The following CCNT1 variants were observed in gnomAD, a reference collection of about 807,000 sequenced individuals.
CCNT1 encodes cyclin T1.
In CCNT1, 18 loss-of-function variants were observed where a neutral mutation model predicts 67.3. That is an observed-to-expected ratio of 0.27 (90% confidence interval 0.18 to 0.40). The LOEUF (loss-of-function observed/expected upper bound fraction) is 0.40. CCNT1 is among the 10% of genes least tolerant of loss of function. The pLI, the probability that CCNT1 is intolerant of heterozygous loss-of-function variation, is 1.00. For missense variants in CCNT1, 744 were observed against 884.9 expected (o/e 0.84, Z 2.02); for synonymous variants, 333 against 310.3 (o/e 1.07, Z -0.77).
chr12:48,701,789 A>T (rs1359815079), intron 3 of CCNT1, among the ~76,000 whole-genome samples: 1 of 150,880 alleles, frequency 6.6e-6, no homozygotes, highest in Non-Finnish European at 1.5e-5. Context: ...TATTTTTAGT[A>T]GAGACGAGGT....
Position 48,705,840 on chromosome 12 carries a change from T to C in CCNT1, c.300A>G (p.Lys100=). Residue 100 remains lysine (K), a synonymous_variant, in exon 3 of 9, where the codon AAA becomes AAG. Coordinates refer to ENST00000261900, the MANE Select transcript of CCNT1 (RefSeq NM_001240.4). ...GTGCTACCTTGATGACATGTTCCAA[T>C]TTTTTGGGCTGCTCCTCCACTTTAG... ...LAAKVEEQPK[K]LEHVIKVAHT... 6.2e-7 allele frequency: 1 copy of C among 1,613,554 alleles called. No homozygotes were observed. Among genetic ancestry groups the C allele is most frequent in the Middle Eastern group, 1.6e-4 (1 of 6,062 alleles).
At chr12:48,713,310 T>A (rs1420493566) in intron 2 of CCNT1, among the ~76,000 whole-genome samples, 1 of 151,856 alleles carries the variant, frequency 6.6e-6, no homozygotes, top group Non-Finnish European at 1.5e-5. Flanking sequence ...GCTGTGATTA[T>A]ACATAAGAAT....
At chr12:48,712,579 TAAAAAAAAAAAAAAATAAAA>T (rs1408382741) in intron 2 of CCNT1, among the ~76,000 whole-genome samples, 31 of 32,924 alleles carry the variant, frequency 9.4e-4, no homozygotes, top group Middle Eastern at 0.023. Context: ...ATCTTTTCCT[TAAAAAAAAAAAAAAATAAAA>T]AAAAAAAAAA....
At chr12:48,710,395 T>A in intron 2 of CCNT1, among the ~76,000 whole-genome samples, 1 of 152,222 alleles carries the variant, frequency 6.6e-6, no homozygotes, top group East Asian at 1.9e-4. Context: ...AATCTGTTGA[T>A]TCCAAAATGT....
At position 48,712,410 on chromosome 12, in the gene CCNT1, G is replaced by A. The variant is rs1210920999; in HGVS notation, c.243+2033C>T. Among the ~76,000 whole-genome samples, 3 of 150,864 alleles carry A rather than the reference G, an allele frequency of 2.0e-5. No individual in the cohort carries two copies. The South Asian group carries it at 6.3e-4, about 32-fold the overall frequency. On this transcript the variant is annotated intron_variant, in intron 2 of 8. Coordinates refer to ENST00000261900, the MANE Select transcript of CCNT1 (RefSeq NM_001240.4). ...ATTGCCTCAGCCTCCTGAGTAGCTG[G>A]GATTACAGGCATGAAACTCCACGCC...
At chr12:48,703,172 T>C (rs1455699408) in intron 3 of CCNT1, among the ~76,000 whole-genome samples, 1 of 151,578 alleles carries the variant, frequency 6.6e-6, no homozygotes, top group Non-Finnish European at 1.5e-5. Flanking sequence ...CCCAGCACTT[T>C]GGGAGGCCAA....
chr12:48,700,797 C>G (rs1264072240), intron 4 of CCNT1, among the ~76,000 whole-genome samples: 1 of 152,090 alleles, frequency 6.6e-6, no homozygotes, highest in Non-Finnish European at 1.5e-5. Flanking sequence ...AAAATAATAA[C>G]CCACTGGCTG....
intron 2 of CCNT1, among the ~76,000 whole-genome samples, chr12:48,709,652 AC>A (rs1940418529): frequency 6.6e-6 from 1 of 152,214 alleles, no homozygotes; most frequent in Non-Finnish European, 1.5e-5. Context: ...GATGTCCAAT[AC>A]ATACTGTTAC....
chr12:48,700,480 T>A (rs896470292), intron 4 of CCNT1, among the ~76,000 whole-genome samples: 2 of 151,296 alleles, frequency 1.3e-5, no homozygotes, highest in Admixed American at 6.6e-5. Context: ...AAGAGAAAAA[T>A]GATAGCCCAA....
At chr12:48,706,037 C>A (rs963345337) in intron 2 of CCNT1, 141 bp from the exon 3 acceptor site, 10 of 666,732 alleles carry the variant, frequency 1.5e-5, no homozygotes, top group Non-Finnish European at 2.4e-5. Flanking sequence ...CCCGCCCCCC[C>A]GCTTCTACCA....
At chr12:48,696,914 C>T (rs576497582) in intron 6 of CCNT1, among the ~76,000 whole-genome samples, 1 of 152,222 alleles carries the variant, frequency 6.6e-6, no homozygotes, top group South Asian at 2.1e-4. Context: ...CTCACAGCAC[C>T]CTCTGCCTCC....
At chr12:48,699,335 T>C (rs1445205468) in intron 5 of CCNT1, among the ~76,000 whole-genome samples, 1 of 152,194 alleles carries the variant, frequency 6.6e-6, no homozygotes, top group African/African-American at 2.4e-5. Context: ...GATACTAAAC[T>C]AAATAAGAGA....
intron 6 of CCNT1, among the ~76,000 whole-genome samples, chr12:48,697,197 T>C (rs966743288): frequency 1.1e-4 from 16 of 152,062 alleles, no homozygotes; most frequent in African/African-American, 3.9e-4. Flanking sequence ...CATTGATTGA[T>C]AGAGGGGGAA....
chr12:48,705,995 C>G, intron 2 of CCNT1, 99 bp from the exon 3 acceptor site: 1 of 1,181,064 alleles, frequency 8.5e-7, no homozygotes, highest in Non-Finnish European at 1.2e-6. Flanking sequence ...AAGTTATTTG[C>G]TTGCCTCAAC....
intron 2 of CCNT1, among the ~76,000 whole-genome samples, chr12:48,712,550 C>A (rs1432838813): frequency 8.3e-6 from 1 of 121,130 alleles, no homozygotes; most frequent in African/African-American, 3.2e-5. Flanking sequence ...AGGCTTAAGC[C>A]ACCGTGCCCA....
chr12:48,715,998 G>A (rs1248995362), intron 1 of CCNT1, among the ~76,000 whole-genome samples: 1 of 152,254 alleles, frequency 6.6e-6, no homozygotes, highest in Non-Finnish European at 1.5e-5. Flanking sequence ...TAGACAAGAC[G>A]GCCAAAAATT....
intron 2 of CCNT1, among the ~76,000 whole-genome samples, chr12:48,713,774 A>G (rs1303489107): frequency 6.6e-6 from 1 of 152,212 alleles, no homozygotes; most frequent in African/African-American, 2.4e-5. Flanking sequence ...ACAGGGCAAG[A>G]CCCTGCCTGT....
rs745762876 is a variant in CCNT1, at chr12:48,693,487, G to C, written c.1727C>G (p.Pro576Arg). ...SSSSSTRKRG[P>R]SEETGGAVFD... ...CACAGCCCCTCCAGTCTCTTCAGAG[G>C]GTCCCCTTTTACGAGTAGAACTGGA... Residue 576 changes from proline (P) to arginine (R), a missense_variant, in exon 9 of 9, where the codon CCC becomes CGC. Around this residue, in one of 3 missense-constraint regions of CCNT1, gnomAD observed 564 missense variants for 574.2 expected, o/e 0.98. Transcript: ENST00000261900. 1 of 1,614,122 alleles carries C rather than the reference G, an allele frequency of 6.2e-7. No individual in the cohort carries two copies. Among genetic ancestry groups the C allele is most frequent in the South Asian group, 1.1e-5 (1 of 91,080 alleles).
chr12:48,712,986 C>T (rs1196189115), intron 2 of CCNT1, among the ~76,000 whole-genome samples: 1 of 152,026 alleles, frequency 6.6e-6, no homozygotes, highest in Non-Finnish European at 1.5e-5. Flanking sequence ...CAAGTTTATC[C>T]CTATTACCTT....
Sources: gnomAD v4.1 joint callset for allele counts (sites outside exome capture counted in the v4.1 genomes callset) on GRCh38, gnomAD v4.1.1 for gene constraint, gnomAD v4.1.1 regional missense constraint, MANE v1.5 for transcripts, NCBI Gene and HGNC (gene_info 2026-07-23, HGNC 2026-07-21) for gene names.